MITF: variants seen among roughly 807,000 people sequenced by gnomAD.
The protein encoded by MITF is microphthalmia-associated transcription factor.
A neutral mutation model predicts 60.5 loss-of-function variants in MITF; 17 were observed. That is an observed-to-expected ratio of 0.28 (90% CI 0.19 to 0.42). The LOEUF is 0.42. MITF is among the 10% of genes least tolerant of loss of function. The pLI, the probability that MITF is intolerant of heterozygous loss-of-function variation, is 1.00. For synonymous variants in MITF, 260 were observed against 248.5 expected, an observed-to-expected ratio of 1.05 and a Z score of -0.43; for missense variants, 622 against 683.5, an observed-to-expected ratio of 0.91 and a Z score of 1.00.
chr3:69,852,368 C>A (rs1029436614), intron 1 of MITF, among the ~76,000 whole-genome samples: 2 of 152,202 alleles, frequency 1.3e-5, no homozygotes, highest in African/African-American at 2.4e-5. Context: ...TGACTTCTAA[C>A]ACCATGGATT....
chr3:69,765,077 A>G (rs2062269618), intron 1 of MITF, among the ~76,000 whole-genome samples: 1 of 152,128 alleles, frequency 6.6e-6, no homozygotes. Context: ...GCTGGGTGGT[A>G]TTGATTGAAC....
Position 69,773,674 on chromosome 3 carries a change from A to G in MITF, c.104+33973A>G, listed in dbSNP as rs112616518. Among the ~76,000 whole-genome samples the G allele has an allele frequency of 4.1e-3, 625 of 152,314 alleles. 7 individuals are homozygous for G. Among genetic ancestry groups the G allele is most frequent in the African/African-American group, 0.014 (578 of 41,566 alleles). ...CCTTGAGTATGCATAGCTGGACCACAGATTTGTAAATTATCTTTCTGTGCT... is the reference window on the plus strand; with the variant it reads ...CCTTGAGTATGCATAGCTGGACCACGGATTTGTAAATTATCTTTCTGTGCT... On this transcript the variant is annotated intron_variant, in intron 1 of 9. Coordinates refer to ENST00000352241, the MANE Select transcript of MITF (RefSeq NM_001354604.2).
intron 2 of MITF, among the ~76,000 whole-genome samples, chr3:69,935,417 CT>C (rs1437147744): frequency 6.6e-6 from 1 of 152,082 alleles, no homozygotes; most frequent in African/African-American, 2.4e-5. Context: ...AATCTCTTTT[CT>C]TTTTAAGTGT....
rs1012956436 is a variant in MITF at position 69,946,150 on chromosome 3, T to G, written c.763-2901T>G. On this transcript the variant is annotated intron_variant, in intron 5 of 9. Transcript: ENST00000352241. ...CACTGTTTCACCTACTTTATCTCTA[T>G]TAAATCTTATAAGACCCCTGTGAGA... Among the ~76,000 whole-genome samples, 3 of 152,174 alleles carry G rather than the reference T, an allele frequency of 2.0e-5. No homozygotes were observed. In the East Asian group the frequency reaches 5.8e-4, roughly 29 times the overall value.
chr3:69,926,026 A>G (rs1195728393), intron 2 of MITF, among the ~76,000 whole-genome samples: 3 of 152,168 alleles, frequency 2.0e-5, no homozygotes. Context: ...AGTCTTCAGC[A>G]CCTAGATGAG....
At chr3:69,789,262 A>G (rs947820972) in intron 1 of MITF, among the ~76,000 whole-genome samples, 1 of 152,206 alleles carries the variant, frequency 6.6e-6, no homozygotes, top group African/African-American at 2.4e-5. Context: ...AATATCCAGA[A>G]TGCATAAAGA....
chr3:69,773,005 G>A (rs1468911948), intron 1 of MITF, among the ~76,000 whole-genome samples: 3 of 152,186 alleles, frequency 2.0e-5, no homozygotes, highest in African/African-American at 7.2e-5. Context: ...GTGTTATAGA[G>A]AACGATAAAG....
intron 1 of MITF, among the ~76,000 whole-genome samples, chr3:69,844,280 A>G (rs190226379): frequency 2.0e-5 from 3 of 152,264 alleles, no homozygotes; most frequent in African/African-American, 7.2e-5. Context: ...GATATATAGA[A>G]CAATGGAACA....
At chr3:69,766,489 A>T (rs375626266) in intron 1 of MITF, among the ~76,000 whole-genome samples, 3 of 149,472 alleles carry the variant, frequency 2.0e-5, no homozygotes, top group East Asian at 3.9e-4. Context: ...GGCCTCCCAA[A>T]GTGTTGGGAT....
chr3:69,911,145 G>T (rs1020400589), intron 2 of MITF, among the ~76,000 whole-genome samples: 3 of 152,122 alleles, frequency 2.0e-5, no homozygotes, highest in African/African-American at 7.2e-5. Flanking sequence ...TTTATCAGGG[G>T]TTTCTGCTTT....
At chr3:69,860,521 C>A (rs2063994550) in intron 1 of MITF, among the ~76,000 whole-genome samples, 1 of 150,824 alleles carries the variant, frequency 6.6e-6, no homozygotes, top group South Asian at 2.1e-4. Context: ...TGGCGTGAAC[C>A]CGGAAGGCGG....
chr3:69,750,897 G>C (rs993443583), intron 1 of MITF, among the ~76,000 whole-genome samples: 1 of 152,058 alleles, frequency 6.6e-6, no homozygotes, highest in African/African-American at 2.4e-5. Context: ...ACCCATATTT[G>C]CCGTGTTTAA....
At chr3:69,767,985 C>T (rs1257946602) in intron 1 of MITF, among the ~76,000 whole-genome samples, 1 of 152,222 alleles carries the variant, frequency 6.6e-6, no homozygotes, top group Non-Finnish European at 1.5e-5. Flanking sequence ...AAACTGCTTA[C>T]TGCTGACAAT....
intron 2 of MITF, among the ~76,000 whole-genome samples, chr3:69,898,336 C>G (rs2064923417): frequency 6.6e-6 from 1 of 152,208 alleles, no homozygotes; most frequent in Non-Finnish European, 1.5e-5. Context: ...GAAGGTTGGT[C>G]TTGCTGGAGG....
chr3:69,792,558 G>A (rs2062757429), intron 1 of MITF, among the ~76,000 whole-genome samples: 1 of 152,024 alleles, frequency 6.6e-6, no homozygotes, highest in South Asian at 2.1e-4. Flanking sequence ...AATATTAAGA[G>A]TTTGGTTTAT....
intron 2 of MITF, among the ~76,000 whole-genome samples, chr3:69,916,636 A>G (rs1282195470): frequency 6.6e-6 from 1 of 152,190 alleles, no homozygotes; most frequent in Non-Finnish European, 1.5e-5. Flanking sequence ...TACTAGGAAA[A>G]CAAATAAATG....
At chr3:69,882,203 G>C (rs2107288664) in intron 2 of MITF, among the ~76,000 whole-genome samples, 1 of 152,178 alleles carries the variant, frequency 6.6e-6, no homozygotes, top group South Asian at 2.1e-4. Context: ...CTTAGGACTA[G>C]TCAGATTTTG....
chr3:69,750,422 G>C (rs1703890819), intron 1 of MITF, among the ~76,000 whole-genome samples: 1 of 132,556 alleles, frequency 7.5e-6, no homozygotes, highest in Non-Finnish European at 1.6e-5. Context: ...AAACCAGTGA[G>C]TAATTATTAT....
At chr3:69,833,352 AGTT>A (rs1263281382) in intron 1 of MITF, among the ~76,000 whole-genome samples, 1 of 137,198 alleles carries the variant, frequency 7.3e-6, no homozygotes, top group South Asian at 2.4e-4. Flanking sequence ...CACTGTATGT[AGTT>A]GTTTTTCTAT....
Sources: allele counts gnomAD v4.1 joint callset (sites outside exome capture counted in the v4.1 genomes callset), GRCh38; gene constraint gnomAD v4.1.1; transcripts MANE v1.5; gene names NCBI Gene and HGNC (gene_info 2026-07-23, HGNC 2026-07-21).